FOXP1: variants seen among roughly 807,000 people sequenced by gnomAD.
FOXP1 encodes forkhead box protein P1.
Under a neutral mutation model 98.2 loss-of-function variants are expected in FOXP1, and 15 were observed. That is an observed-to-expected ratio of 0.15 (90% CI 0.10 to 0.24). The LOEUF (loss-of-function observed/expected upper bound fraction) is 0.24, where lower values mean the gene tolerates loss of function less well. FOXP1 is among the 10% of genes least tolerant of loss of function. The pLI is 1.00. For missense variants in FOXP1, 633 were observed against 848.5 expected (o/e 0.75, Z 3.15); for synonymous variants, 371 against 314.5 (o/e 1.18, Z -1.90).
chr3:71,396,137 G>C (rs1036311623), intron 3 of FOXP1, among the ~76,000 whole-genome samples: 1 of 152,148 alleles, frequency 6.6e-6, no homozygotes, highest in Non-Finnish European at 1.5e-5. Context: ...TCAAGTCTTA[G>C]AGTTCAGTCT....
intron 7 of FOXP1, among the ~76,000 whole-genome samples, chr3:71,074,264 C>T (rs764904577): frequency 6.6e-6 from 1 of 152,138 alleles, no homozygotes; most frequent in Non-Finnish European, 1.5e-5. Context: ...ATCTTGCTCT[C>T]TCATGCAGGC....
In FOXP1 at chr3:71,257,896, T is replaced by G. The variant is rs141161245; in HGVS notation, c.-12+41924A>C. Among the ~76,000 whole-genome samples the G allele has an allele frequency of 1.2e-3, 179 of 152,180 alleles. 1 individual carries two copies. The highest frequency in any genetic ancestry group is 4.1e-3 in the African/African-American group (172 of 41,508). ...GACCTAAGTTTTCTCATCTGTAAAATGGGGGTAACAATCACAGCTAGAACT... is the reference window on the plus strand; with the variant it reads ...GACCTAAGTTTTCTCATCTGTAAAAGGGGGGTAACAATCACAGCTAGAACT... On this transcript the variant is annotated intron_variant, in intron 5 of 20. Coordinates refer to ENST00000649528, the MANE Select transcript of FOXP1 (RefSeq NM_001349338.3).
chr3:71,316,217 G>A (rs920370597), intron 4 of FOXP1, among the ~76,000 whole-genome samples: 5 of 152,254 alleles, frequency 3.3e-5, no homozygotes, highest in South Asian at 2.1e-4. Flanking sequence ...CTAAAATGCT[G>A]AAATACTTGT....
intron 4 of FOXP1, among the ~76,000 whole-genome samples, chr3:71,340,092 TA>T: frequency 6.6e-6 from 1 of 152,316 alleles, no homozygotes; most frequent in Admixed American, 6.5e-5. Context: ...TGCATATGTG[TA>T]TGTACCTGTG....
chr3:71,367,299 C>G (rs536275635), intron 3 of FOXP1, among the ~76,000 whole-genome samples: 2 of 152,332 alleles, frequency 1.3e-5, no homozygotes, highest in East Asian at 3.9e-4. Flanking sequence ...CAGCATTCAT[C>G]AGTGTCTCTC....
At chr3:71,033,308 C>A (rs1487625335) in intron 11 of FOXP1, among the ~76,000 whole-genome samples, 1 of 152,104 alleles carries the variant, frequency 6.6e-6, no homozygotes. Flanking sequence ...GGAAATCTGG[C>A]ACATTAGACA....
intron 2 of FOXP1, among the ~76,000 whole-genome samples, chr3:71,579,890 T>C (rs1412034889): frequency 6.6e-6 from 1 of 152,118 alleles, no homozygotes; most frequent in Non-Finnish European, 1.5e-5. Flanking sequence ...AAAAAATAAC[T>C]TGTTTCGCGA....
intron 7 of FOXP1, among the ~76,000 whole-genome samples, chr3:71,062,336 C>T (rs1036185123): frequency 1.3e-5 from 2 of 152,174 alleles, no homozygotes; most frequent in African/African-American, 4.8e-5. Context: ...ACTATATATC[C>T]TCGTGCAGAA....
intron 7 of FOXP1, among the ~76,000 whole-genome samples, chr3:71,106,805 GCT>G (rs1245769288): frequency 7.0e-6 from 1 of 143,500 alleles, no homozygotes; most frequent in African/African-American, 2.6e-5. Context: ...CTAGGATCTT[GCT>G]CTGTTTCCCA....
intron 4 of FOXP1, among the ~76,000 whole-genome samples, chr3:71,349,016 C>A (rs1165473938): frequency 6.6e-6 from 1 of 152,122 alleles, no homozygotes; most frequent in Non-Finnish European, 1.5e-5. Flanking sequence ...AATTCTGCCC[C>A]AACACAGTCA....
intron 6 of FOXP1, among the ~76,000 whole-genome samples, chr3:71,166,185 T>C (rs888709190): frequency 6.6e-6 from 1 of 151,874 alleles, no homozygotes; most frequent in African/African-American, 2.4e-5. Flanking sequence ...TCCAGGAAAA[T>C]GGGGGCACAG....
intron 4 of FOXP1, chr3:71,304,831 A>C (rs1353638337): frequency 8.3e-6 from 1 of 121,104 alleles, no homozygotes; most frequent in Non-Finnish European, 2.0e-5. Context: ...TTAAATTCTC[A>C]CAGTTTCCAA....
intron 7 of FOXP1, among the ~76,000 whole-genome samples, chr3:71,103,147 A>G (rs1222259678): frequency 6.6e-6 from 1 of 152,206 alleles, no homozygotes; most frequent in Admixed American, 6.5e-5. Context: ...GCCTGGTCAC[A>G]TTATCTCAAG....
intron 12 of FOXP1, among the ~76,000 whole-genome samples, chr3:71,006,867 G>A (rs2042874679): frequency 6.6e-6 from 1 of 151,970 alleles, no homozygotes; most frequent in Non-Finnish European, 1.5e-5. Flanking sequence ...AATTTAATTT[G>A]CATTTCTAAC....
chr3:71,139,976 G>A (rs2059991456), intron 6 of FOXP1, among the ~76,000 whole-genome samples: 1 of 151,996 alleles, frequency 6.6e-6, no homozygotes, highest in Non-Finnish European at 1.5e-5. Context: ...TGTTCACGGT[G>A]GTTGTATGCA....
chr3:71,273,326 T>C (rs1029420764), intron 5 of FOXP1, among the ~76,000 whole-genome samples: 1 of 152,240 alleles, frequency 6.6e-6, no homozygotes, highest in Non-Finnish European at 1.5e-5. Flanking sequence ...GTCTGGCTTA[T>C]GTGAAGCAGT....
chr3:71,408,997 C>T (rs2082536728), intron 3 of FOXP1, among the ~76,000 whole-genome samples: 1 of 152,102 alleles, frequency 6.6e-6, no homozygotes, highest in African/African-American at 2.4e-5. Flanking sequence ...TGACATTCCC[C>T]CAGAGAAATG....
intron 2 of FOXP1, among the ~76,000 whole-genome samples, chr3:71,509,898 G>T (rs1281666533): frequency 6.6e-6 from 1 of 152,148 alleles, no homozygotes; most frequent in Non-Finnish European, 1.5e-5. Context: ...AAGGAATCAG[G>T]CCAGGCACGG....
intron 7 of FOXP1, among the ~76,000 whole-genome samples, chr3:71,084,211 T>C (rs538533446): frequency 1.4e-4 from 21 of 152,318 alleles, no homozygotes; most frequent in Non-Finnish European, 2.9e-4. Flanking sequence ...GTATCTTCTA[T>C]TCACCAAGCC....
Sources: allele counts gnomAD v4.1 joint callset (sites outside exome capture counted in the v4.1 genomes callset), GRCh38; gene constraint gnomAD v4.1.1; transcripts MANE v1.5; gene names NCBI Gene and HGNC (gene_info 2026-07-23, HGNC 2026-07-21).